KCNJ6: variants seen among roughly 807,000 people sequenced by gnomAD.
KCNJ6 encodes potassium inwardly rectifying channel subfamily J member 6.
KCNJ6 carries 9 observed loss-of-function variants against 34.2 expected under a neutral mutation model. The observed-to-expected ratio is 0.26, with a 90% CI of 0.16 to 0.46. KCNJ6 has a LOEUF of 0.46. Among genes scored for constraint, KCNJ6 ranks in the 20% least tolerant of loss-of-function variants. The pLI, the probability that KCNJ6 is intolerant of heterozygous loss-of-function variation, is 1.00. For synonymous variants in KCNJ6, 196 were observed against 207.1 expected (o/e 0.95, Z 0.46); for missense variants, 236 against 531.3 (o/e 0.44, Z 5.46).
rs2835840 is a variant in KCNJ6 at position 37,619,019 on chromosome 21, G to C, written c.*6140C>G. 44,693 of 152,112 alleles carry C rather than the reference G, an allele frequency of 0.29. 6,879 individuals carry two copies. The highest frequency in any genetic ancestry group is 0.34 in the South Asian group (1,631 of 4,826). 9.4% of individuals were successfully genotyped at this position (152,112 alleles called of 1,614,324 possible). A position where few individuals can be genotyped will look rare whatever the true frequency, so the allele number is the denominator to read the frequency against. ...GCAGTTGAAGGGTCACAAGCTTTTT[G>C]CATGATCTATATTGTAGATACCATT... On this transcript the variant is annotated 3_prime_UTR_variant, in exon 4 of 4. Coordinates refer to ENST00000609713, the MANE Select transcript of KCNJ6 (RefSeq NM_002240.5).
intron 3 of KCNJ6, among the ~76,000 whole-genome samples, chr21:37,648,587 G>A (rs894809816): frequency 1.3e-5 from 2 of 152,082 alleles, no homozygotes; most frequent in Non-Finnish European, 2.9e-5. Flanking sequence ...ATTGCCAATA[G>A]GTGCATTTTC....
chr21:37,808,476 A>G (rs1004651206), intron 2 of KCNJ6, among the ~76,000 whole-genome samples: 1 of 152,262 alleles, frequency 6.6e-6, no homozygotes, highest in Non-Finnish European at 1.5e-5. Flanking sequence ...ACAAAGATAC[A>G]TGAATCATCC....
intron 2 of KCNJ6, among the ~76,000 whole-genome samples, chr21:37,793,067 A>T (rs1156467210): frequency 6.6e-6 from 1 of 152,180 alleles, no homozygotes; most frequent in African/African-American, 2.4e-5. Flanking sequence ...GAACCTGTAT[A>T]AAGTCATTCT....
At chr21:37,884,212 GCATTTCCGCACCTCA>G in intron 1 of KCNJ6, among the ~76,000 whole-genome samples, 1 of 152,278 alleles carries the variant, frequency 6.6e-6, no homozygotes, top group East Asian at 1.9e-4. Flanking sequence ...CTCTATGGAT[GCATTTCCGCACCTCA>G]CATCCATCTC....
chr21:37,819,172 C>G (rs1257079842), intron 2 of KCNJ6, among the ~76,000 whole-genome samples: 1 of 152,132 alleles, frequency 6.6e-6, no homozygotes, highest in Admixed American at 6.5e-5. Context: ...TGTTCAGAAT[C>G]CTTCTGGCAA....
At chr21:37,632,124 G>A (rs1165394321) in intron 3 of KCNJ6, among the ~76,000 whole-genome samples, 1 of 152,040 alleles carries the variant, frequency 6.6e-6, no homozygotes, top group Non-Finnish European at 1.5e-5. Flanking sequence ...CCGACCGGGG[G>A]GAGGGGTGGA....
intron 2 of KCNJ6, among the ~76,000 whole-genome samples, chr21:37,717,671 T>C (rs1379923698): frequency 6.6e-6 from 1 of 152,250 alleles, no homozygotes. Flanking sequence ...GGGGAGACCT[T>C]GTCTGCAGAG....
Position 37,808,784 on chromosome 21 carries a change from C to G in KCNJ6, c.25+31874G>C, listed in dbSNP as rs562650179. On this transcript the variant is annotated intron_variant, in intron 2 of 3. Transcript: ENST00000609713. ...ATTGGCTCTGCAAGACTTCAAGCTT[C>G]TTTATTCTCTTGGGCTAGCTCTCCC... Among the ~76,000 whole-genome samples, 3 of 152,356 alleles carry G rather than the reference C, an allele frequency of 2.0e-5. No homozygotes were observed. In the South Asian group the frequency reaches 6.2e-4, roughly 32 times the overall value.
intron 2 of KCNJ6, among the ~76,000 whole-genome samples, chr21:37,769,836 C>T (rs2055109225): frequency 6.6e-6 from 1 of 152,168 alleles, no homozygotes; most frequent in Admixed American, 6.5e-5. Context: ...AAAGAGGCTT[C>T]ATGCAGCGTT....
intron 2 of KCNJ6, among the ~76,000 whole-genome samples, chr21:37,718,134 T>C (rs894579288): frequency 6.6e-6 from 1 of 152,084 alleles, no homozygotes; most frequent in African/African-American, 2.4e-5. Context: ...CCATCTGGAG[T>C]TGAGTGTGTC....
chr21:37,639,649 C>A (rs898968590), intron 3 of KCNJ6, among the ~76,000 whole-genome samples: 1 of 152,182 alleles, frequency 6.6e-6, no homozygotes, highest in Non-Finnish European at 1.5e-5. Context: ...TGCCCACCTC[C>A]AATGTGAGGT....
At chr21:37,661,212 T>C (rs959190304) in intron 3 of KCNJ6, among the ~76,000 whole-genome samples, 3 of 152,186 alleles carry the variant, frequency 2.0e-5, no homozygotes, top group Admixed American at 6.5e-5. Flanking sequence ...CTCCCACCTT[T>C]TGGTATAATT....
At chr21:37,800,618 C>T (rs899499311) in intron 2 of KCNJ6, among the ~76,000 whole-genome samples, 2 of 152,130 alleles carry the variant, frequency 1.3e-5, no homozygotes, top group African/African-American at 4.8e-5. Flanking sequence ...TAAAGAAAGT[C>T]GGTTTTGCAG....
intron 2 of KCNJ6, among the ~76,000 whole-genome samples, chr21:37,782,044 T>C (rs2055171859): frequency 6.6e-6 from 1 of 152,106 alleles, no homozygotes. Flanking sequence ...ATTACCCAAG[T>C]GGGCCCAGTG....
At chr21:37,899,655 T>C (rs1349237734) in intron 1 of KCNJ6, among the ~76,000 whole-genome samples, 2 of 151,568 alleles carry the variant, frequency 1.3e-5, no homozygotes, top group African/African-American at 4.9e-5. Context: ...GTGGGAAGAG[T>C]TCAAGGCCAG....
At chr21:37,847,827 C>T (rs2055517301) in intron 1 of KCNJ6, among the ~76,000 whole-genome samples, 1 of 151,684 alleles carries the variant, frequency 6.6e-6, no homozygotes, top group Non-Finnish European at 1.5e-5. Flanking sequence ...GAGAATGAGA[C>T]TGGAGAAAAT....
chr21:37,818,021 A>G (rs1238707507), intron 2 of KCNJ6, among the ~76,000 whole-genome samples: 1 of 152,256 alleles, frequency 6.6e-6, no homozygotes, highest in Non-Finnish European at 1.5e-5. Flanking sequence ...ATGCACATGA[A>G]GATGGCATTC....
At chr21:37,803,644 C>T (rs947150016) in intron 2 of KCNJ6, among the ~76,000 whole-genome samples, 1 of 152,198 alleles carries the variant, frequency 6.6e-6, no homozygotes, top group Non-Finnish European at 1.5e-5. Context: ...AGAGAAGTGC[C>T]CTCCTCCCTG....
chr21:37,890,248 G>GAAA (rs2055755757), intron 1 of KCNJ6, among the ~76,000 whole-genome samples: 1 of 152,090 alleles, frequency 6.6e-6, no homozygotes, highest in South Asian at 2.1e-4. Context: ...AGCAAAGGGG[G>GAAA]AAAAGCCCCT....
Sources: allele counts gnomAD v4.1 joint callset (sites outside exome capture counted in the v4.1 genomes callset), GRCh38; gene constraint gnomAD v4.1.1; transcripts MANE v1.5; gene names NCBI Gene and HGNC (gene_info 2026-07-23, HGNC 2026-07-21).